Variants in FLCN observed in about 807,000 individuals in gnomAD.
The protein encoded by FLCN is folliculin.
A neutral mutation model predicts 62.5 loss-of-function variants in FLCN; 22 were observed. The observed-to-expected ratio is 0.35, with a 90% CI of 0.25 to 0.50. The LOEUF (loss-of-function observed/expected upper bound fraction) is 0.50, where lower values mean the gene tolerates loss of function less well. FLCN is among the 20% of genes least tolerant of loss of function. The probability of loss-of-function intolerance (pLI) is 0.97; values close to 1 mark genes in which losing one functional copy is unlikely to be tolerated. For synonymous variants in FLCN, 319 were observed against 310.0 expected, an observed-to-expected ratio of 1.03 and a Z score of -0.30; for missense variants, 657 against 778.0, an observed-to-expected ratio of 0.84 and a Z score of 1.85.
At position 17,216,602 on chromosome 17, in the gene FLCN, C is replaced by T. The variant is rs1041963529; in HGVS notation, c.1177-99G>A. 15 of 1,555,238 alleles carry T rather than the reference C, an allele frequency of 9.6e-6. No individual in the cohort carries two copies. The highest frequency in any genetic ancestry group is 1.7e-4 in the Middle Eastern group (1 of 5,990). On this transcript the variant is annotated intron_variant, in intron 10 of 13. Transcript: ENST00000285071. This position sits in a 1 kb window ranked among gnomAD's most constrained non-coding sequence, Gnocchi z 4.0. Reference sequence around the variant, plus strand: ...CAAACCCCACACGCCTCCTGCAGCCCGGTCCAAGCCCTCCCTCCTGCCAGA... The same window carrying T: ...CAAACCCCACACGCCTCCTGCAGCCTGGTCCAAGCCCTCCCTCCTGCCAGA...
In FLCN at chr17:17,213,254, A is replaced by G; in HGVS notation, c.*401T>C. ...CCCAGAAACTCTTGCTGAATTTCAA[A>G]GTAGAAACGCTTGAATGTTAACCTC... On this transcript the variant is annotated 3_prime_UTR_variant, in exon 14 of 14. Transcript: ENST00000285071. The G allele has an allele frequency of 2.5e-6, 1 of 399,512 alleles. No homozygotes were observed. The highest frequency in any genetic ancestry group is 3.9e-5 in the Admixed American group (1 of 25,362). 24.7% of individuals were successfully genotyped at this position (399,512 alleles called of 1,614,324 possible). A position where few individuals can be genotyped will look rare whatever the true frequency, so the allele number is the denominator to read the frequency against.
At chr17:17,231,608 C>T (rs144114599) in intron 3 of FLCN, 186 bp downstream of exon 3, 3 of 152,514 alleles carry the variant, frequency 2.0e-5, no homozygotes, top group East Asian at 1.9e-4. Context: ...AAAAGTCAGA[C>T]GTTCTGTCTT....
At chr17:17,222,843 G>A (rs918542020) in intron 6 of FLCN, 182 bp from the exon 7 acceptor site, 10 of 715,186 alleles carry the variant, frequency 1.4e-5, no homozygotes, top group South Asian at 9.4e-5. Context: ...GCTCTGCCCC[G>A]GCTACATCAG....
At position 17,216,689 on chromosome 17, in the gene FLCN, C is replaced by T. The variant is rs372508505; in HGVS notation, c.1177-186G>A. ...GGGGGAGGGTCCTCCACCACCAGGT[C>T]CCTAACTCTTGTCTGGACCGCCAGT... On this transcript the variant is annotated intron_variant, in intron 10 of 13. Coordinates refer to ENST00000285071, the MANE Select transcript of FLCN (RefSeq NM_144997.7). This position sits in a 1 kb window ranked among gnomAD's most constrained non-coding sequence, Gnocchi z 4.0. Among the ~76,000 whole-genome samples, 524 of 152,298 alleles carry T rather than the reference C, an allele frequency of 3.4e-3. 1 individual carries two copies. Among genetic ancestry groups the T allele is most frequent in the African/African-American group, 0.012 (510 of 41,564 alleles).
rs535236784 is a variant in FLCN, at chr17:17,215,290, C to T, written c.1327G>A (p.Ala443Thr). Residue 443 changes from alanine to threonine, a missense_variant, in exon 12 of 14, where the codon GCA (alanine) becomes ACA (threonine). Ala to Thr is a moderately conservative substitution (Grantham distance 58). Coordinates refer to ENST00000285071, the MANE Select transcript of FLCN (RefSeq NM_144997.7). ...GGGTGGAGGGTGGAACGTGCGGCTG[C>T]GTGGACCTCCACGATGACAGCAAAC... Reference protein sequence around the residue: ...SEFAVIVEVHAAARSTLHPVG... With the variant: ...SEFAVIVEVHTAARSTLHPVG... 6.8e-6 allele frequency: 11 copies of T among 1,614,088 alleles called. No individual in the cohort carries two copies. The highest frequency in any genetic ancestry group is 8.5e-6 in the Non-Finnish European group (10 of 1,180,026).
intron 11 of FLCN, 71 bp from the exon 12 acceptor site, chr17:17,215,387 T>C: frequency 1.2e-6 from 2 of 1,608,754 alleles, no homozygotes; most frequent in African/African-American, 1.3e-5. Context: ...TAGCCCACCG[T>C]GGGCCCCACT....
At chr17:17,230,553 A>T (rs973595513) in intron 3 of FLCN, among the ~76,000 whole-genome samples, 9 of 151,500 alleles carry the variant, frequency 5.9e-5, no homozygotes, top group African/African-American at 9.7e-5. Flanking sequence ...AACAACAAAA[A>T]CAAAACAAAA....
chr17:17,226,004 G>T (rs754068827), intron 5 of FLCN, 172 bp downstream of exon 5: 1 of 903,076 alleles, frequency 1.1e-6, no homozygotes, highest in Non-Finnish European at 1.8e-6. Flanking sequence ...GACTCCTCCC[G>T]CAATTCTGGA....
rs2046798797 is a variant in FLCN, at chr17:17,212,940, G to C, written c.*715C>G. The C allele has an allele frequency of 4.2e-6, 1 of 235,804 alleles. No individual in the cohort carries two copies. Among genetic ancestry groups the C allele is most frequent in the South Asian group, 1.7e-4 (1 of 5,790 alleles). The allele number at this position is 235,804 out of a possible 1,614,324, so 14.6% of individuals were successfully genotyped here. ...CGGGGCTCACCATATCCAGGGGATT[G>C]GGCAAGTCAGATGCTTGCCGACCCC... On this transcript the variant is annotated 3_prime_UTR_variant, in exon 14 of 14. Transcript: ENST00000285071.
intron 6 of FLCN, among the ~76,000 whole-genome samples, chr17:17,223,488 G>C (rs2047155473): frequency 6.6e-6 from 1 of 152,254 alleles, no homozygotes; most frequent in South Asian, 2.1e-4. Flanking sequence ...CCATGAGTAA[G>C]AAACAGGCCC....
chr17:17,219,123 G>A lies in FLCN; in HGVS notation c.958C>T (p.Arg320Trp), dbSNP rs777456756. 4.3e-6 allele frequency: 7 copies of A among 1,614,046 alleles called. No homozygotes were observed. Among genetic ancestry groups the A allele is most frequent in the South Asian group, 1.1e-5 (1 of 91,084 alleles). ...TCTGCCGGGCCCTGGGTCAGCTCCC[G>A]CCCTTCTGTACTCTCTGGCAACACA... ...APVLPESTEGRELTQGPAESS... is the reference protein window; with the variant it reads ...APVLPESTEGWELTQGPAESS... Residue 320 changes from arginine to tryptophan, a missense_variant, in exon 9 of 14, where the codon CGG (arginine) becomes TGG (tryptophan). Physicochemically the swap from Arg to Trp is moderately radical, Grantham distance 101. Coordinates refer to ENST00000285071, the MANE Select transcript of FLCN (RefSeq NM_144997.7).
rs2145044175 is a variant in FLCN at position 17,227,979 on chromosome 17, C to A, written c.159G>T (p.Gln53His). 1 of 1,614,170 alleles carries A rather than the reference C, an allele frequency of 6.2e-7. No homozygotes were observed. Among genetic ancestry groups the A allele is most frequent in the Admixed American group, 1.7e-5 (1 of 60,032 alleles). The change falls in exon 4 of 14, where the codon CAG becomes CAT. Residue 53 changes from glutamine (Q) to histidine (H), a missense_variant. Coordinates refer to ENST00000285071, the MANE Select transcript of FLCN (RefSeq NM_144997.7). ...EQAEEEEGGIQMNSRMRAHSP... is the reference protein window; with the variant it reads ...EQAEEEEGGIHMNSRMRAHSP... Reference sequence around the variant, plus strand: ...TGTGCGCACGCATCCGACTGTTCATCTGAATGCCACCTTCCTCTTCTTCCG... The same window carrying A: ...TGTGCGCACGCATCCGACTGTTCATATGAATGCCACCTTCCTCTTCTTCCG...
chr17:17,221,401 G>C, intron 8 of FLCN, 136 bp downstream of exon 8: 1 of 1,613,594 alleles, frequency 6.2e-7, no homozygotes, highest in Middle Eastern at 1.7e-4. Flanking sequence ...CGGAGGGTGA[G>C]CTTCCCGAAG....
At chr17:17,218,386 CTTTTTT>C (rs11464784) in intron 9 of FLCN, among the ~76,000 whole-genome samples, 1 of 129,968 alleles carries the variant, frequency 7.7e-6, no homozygotes, top group African/African-American at 2.9e-5. Context: ...CCATCACTTT[CTTTTTT>C]TTTTTTTTTT....
intron 9 of FLCN, 76 bp from the exon 10 acceptor site, chr17:17,217,258 T>A (rs1682364208): frequency 3.9e-6 from 4 of 1,018,698 alleles, no homozygotes; most frequent in African/African-American, 1.6e-5. Flanking sequence ...AAGTTATTTG[T>A]GTGTTCATAA....
intron 8 of FLCN, chr17:17,219,509 ACACAC>A: frequency 2.7e-6 from 1 of 367,482 alleles, no homozygotes. Context: ...TGTCTACGGA[ACACAC>A]CCAGTCGGCC....
intron 8 of FLCN, chr17:17,221,162 G>C: frequency 6.9e-7 from 1 of 1,442,694 alleles, no homozygotes; most frequent in East Asian, 2.6e-5. Context: ...TGGAAAACTT[G>C]GGACGAACTG....
chr17:17,222,913 CA>C (rs950242140), intron 6 of FLCN: 1 of 519,674 alleles, frequency 1.9e-6, no homozygotes, highest in African/African-American at 1.9e-5. Flanking sequence ...ATGAGTGACC[CA>C]AGGCACCCAG....
At chr17:17,227,395 C>T (rs1033471012) in intron 4 of FLCN, among the ~76,000 whole-genome samples, 5 of 151,892 alleles carry the variant, frequency 3.3e-5, no homozygotes, top group South Asian at 2.1e-4. Context: ...ATGAAGGCCA[C>T]GGCAGGGAGG....
Sources: allele counts gnomAD v4.1 joint callset (sites outside exome capture counted in the v4.1 genomes callset), GRCh38; gene constraint gnomAD v4.1.1; non-coding constraint Gnocchi (gnomAD v3.1); transcripts MANE v1.5; gene names NCBI Gene and HGNC (gene_info 2026-07-23, HGNC 2026-07-21).